Variants in THSD7A observed in about 807,000 individuals in gnomAD.
The protein encoded by THSD7A is thrombospondin type-1 domain-containing protein 7A.
Under a neutral mutation model 231.3 loss-of-function variants are expected in THSD7A, and 96 were observed. The observed-to-expected ratio is 0.41, with a 90% CI of 0.35 to 0.49. The LOEUF (loss-of-function observed/expected upper bound fraction) is 0.49. Ranked by LOEUF, THSD7A falls within the 20% of genes least tolerant of loss-of-function variation. The pLI, the probability that THSD7A is intolerant of heterozygous loss-of-function variation, is 0.05. For missense variants in THSD7A, 2,290 were observed against 2,070.2 expected (o/e 1.11, Z -2.06); for synonymous variants, 940 against 743.3 (o/e 1.26, Z -4.30).
intron 1 of THSD7A, among the ~76,000 whole-genome samples, chr7:11,666,299 T>C (rs1053188299): frequency 6.6e-6 from 1 of 152,150 alleles, no homozygotes; most frequent in African/African-American, 2.4e-5. Flanking sequence ...ATGTTTCATA[T>C]ACACCTTATA....
intron 1 of THSD7A, among the ~76,000 whole-genome samples, chr7:11,669,849 T>C (rs1241968718): frequency 2.0e-5 from 3 of 152,142 alleles, no homozygotes; most frequent in East Asian, 1.9e-4. Flanking sequence ...GAGTACAAAC[T>C]CTTGAGATGG....
intron 2 of THSD7A, among the ~76,000 whole-genome samples, chr7:11,596,803 G>A (rs1189969772): frequency 6.6e-6 from 1 of 152,212 alleles, no homozygotes; most frequent in East Asian, 1.9e-4. Context: ...TATACCAGAT[G>A]TGGCTTCATT....
At chr7:11,817,504 A>G (rs888619872) in intron 1 of THSD7A, among the ~76,000 whole-genome samples, 1 of 152,220 alleles carries the variant, frequency 6.6e-6, no homozygotes, top group Admixed American at 6.5e-5. Flanking sequence ...GAACAGAGCA[A>G]TGTCAGATGC....
At chr7:11,540,679 T>C (rs569522610) in intron 6 of THSD7A, among the ~76,000 whole-genome samples, 1 of 152,274 alleles carries the variant, frequency 6.6e-6, no homozygotes, top group South Asian at 2.1e-4. Flanking sequence ...AGGGATGACT[T>C]AGAGGTAAGG....
At chr7:11,531,435 C>T (rs1033632221) in intron 6 of THSD7A, among the ~76,000 whole-genome samples, 1 of 152,204 alleles carries the variant, frequency 6.6e-6, no homozygotes, top group Non-Finnish European at 1.5e-5. Context: ...TCTCAAGCCT[C>T]TGCAGCCTCT....
At chr7:11,471,452 T>C (rs1785934702) in intron 8 of THSD7A, among the ~76,000 whole-genome samples, 1 of 152,046 alleles carries the variant, frequency 6.6e-6, no homozygotes, top group Non-Finnish European at 1.5e-5. Flanking sequence ...CTTTATAGTA[T>C]TTTGCTGATA....
In THSD7A at chr7:11,831,714, C is replaced by T; in HGVS notation, c.190+43G>A. On this transcript the variant is annotated intron_variant, in intron 1 of 27. Transcript: ENST00000423059. This position sits in a 1 kb window ranked among gnomAD's most constrained non-coding sequence, Gnocchi z 5.0. ...AAGCCCACCAGCTCCTTAATGTGGC[C>T]CCAGATGTGAAGATGGGGAAAGGGT... 1 of 1,340,418 alleles carries T rather than the reference C, an allele frequency of 7.5e-7. No homozygotes were observed. Among genetic ancestry groups the T allele is most frequent in the South Asian group, 2.2e-5 (1 of 44,698 alleles). 83.0% of individuals were successfully genotyped at this position (1,340,418 alleles called of 1,614,324 possible).
At chr7:11,622,157 AT>A (rs1238840921) in intron 2 of THSD7A, among the ~76,000 whole-genome samples, 2 of 152,140 alleles carry the variant, frequency 1.3e-5, no homozygotes, top group Non-Finnish European at 2.9e-5. Flanking sequence ...TTGTCTTAAC[AT>A]TTTAAAGGTA....
chr7:11,503,448 A>T (rs550364270), intron 6 of THSD7A, among the ~76,000 whole-genome samples: 20 of 152,336 alleles, frequency 1.3e-4, no homozygotes, highest in Admixed American at 1.0e-3. Flanking sequence ...AAAAGCAAAC[A>T]TTGACAAATG....
intron 1 of THSD7A, among the ~76,000 whole-genome samples, chr7:11,711,440 T>C: frequency 6.6e-6 from 1 of 151,106 alleles, no homozygotes; most frequent in Non-Finnish European, 1.5e-5. Context: ...TAATCTGATA[T>C]TGATCTGCTG....
At chr7:11,807,571 A>G (rs917337174) in intron 1 of THSD7A, among the ~76,000 whole-genome samples, 3 of 152,156 alleles carry the variant, frequency 2.0e-5, no homozygotes, top group Non-Finnish European at 4.4e-5. Flanking sequence ...ACCAAATTAG[A>G]ATAACATTAA....
At chr7:11,618,695 G>A (rs961116183) in intron 2 of THSD7A, among the ~76,000 whole-genome samples, 2 of 151,918 alleles carry the variant, frequency 1.3e-5, no homozygotes, top group East Asian at 3.9e-4. Flanking sequence ...CGCTGAGGCA[G>A]CAGAATGGCG....
Position 11,446,156 on chromosome 7 carries a change from T to G in THSD7A, c.2969A>C (p.Asp990Ala). 1 of 1,613,532 alleles carries G rather than the reference T, an allele frequency of 6.2e-7. No homozygotes were observed. ...ATATCCTTGTCCGCATTCCTTGATGTCTCCTTGTACTTTCATTCCCAGCAA... is the reference window on the plus strand; with the variant it reads ...ATATCCTTGTCCGCATTCCTTGATGGCTCCTTGTACTTTCATTCCCAGCAA... ...EVLLGMKVQG[D>A]IKECGQGYRY... Residue 990 changes from aspartate (D) to alanine (A), a missense_variant, in exon 13 of 28, where the codon GAC becomes GCC. Transcript: ENST00000423059. The surrounding 1 kb of genome is among the most constrained non-coding windows in gnomAD (Gnocchi z 4.0).
intron 13 of THSD7A, among the ~76,000 whole-genome samples, chr7:11,442,794 A>C (rs1269400203): frequency 6.6e-6 from 1 of 152,078 alleles, no homozygotes; most frequent in Non-Finnish European, 1.5e-5. Flanking sequence ...AGATTGAGAA[A>C]GGAATGATGC....
At chr7:11,588,287 G>A (rs532804899) in intron 4 of THSD7A, among the ~76,000 whole-genome samples, 1 of 152,234 alleles carries the variant, frequency 6.6e-6, no homozygotes, top group Non-Finnish European at 1.5e-5. Flanking sequence ...GAAATGTTAA[G>A]TGCTCCCGGG....
At chr7:11,609,462 G>C (rs563723030) in intron 2 of THSD7A, among the ~76,000 whole-genome samples, 1 of 152,316 alleles carries the variant, frequency 6.6e-6, no homozygotes, top group South Asian at 2.1e-4. Context: ...AAGAGGCAGA[G>C]CTGTTCCATG....
chr7:11,471,133 A>G (rs78190153), intron 8 of THSD7A, among the ~76,000 whole-genome samples: 18 of 152,092 alleles, frequency 1.2e-4, no homozygotes, highest in Non-Finnish European at 2.5e-4. Context: ...GTAAAATATA[A>G]TAATATCATT....
chr7:11,555,034 G>T (rs1789787866), intron 4 of THSD7A, among the ~76,000 whole-genome samples: 1 of 151,450 alleles, frequency 6.6e-6, no homozygotes, highest in South Asian at 2.1e-4. Context: ...ATGATCTATT[G>T]AATGAACCAG....
chr7:11,589,481 AC>A (rs1317223385), intron 4 of THSD7A, among the ~76,000 whole-genome samples: 4 of 152,136 alleles, frequency 2.6e-5, no homozygotes, highest in African/African-American at 7.2e-5. Flanking sequence ...CTCTATTTCT[AC>A]TACTCCCTTA....
Sources: allele counts gnomAD v4.1 joint callset (sites outside exome capture counted in the v4.1 genomes callset), GRCh38; gene constraint gnomAD v4.1.1; non-coding constraint Gnocchi (gnomAD v3.1); transcripts MANE v1.5; gene names NCBI Gene and HGNC (gene_info 2026-07-23, HGNC 2026-07-21).